Variants in NCOA1 observed in about 807,000 individuals in gnomAD.
The protein encoded by NCOA1 is Hin-2 protein.
In NCOA1, 35 loss-of-function variants were observed where a neutral mutation model predicts 150.9. The observed-to-expected ratio is 0.23, with a 90% CI of 0.18 to 0.31. NCOA1 has a LOEUF of 0.31. NCOA1 is among the 10% of genes least tolerant of loss of function. NCOA1 has a pLI of 1.00. For missense variants in NCOA1, 1,491 were observed against 1,749.3 expected (o/e 0.85, Z 2.63); for synonymous variants, 590 against 630.0 (o/e 0.94, Z 0.95).
At chr2:24,599,441 T>A (rs1668016212) in intron 3 of NCOA1, among the ~76,000 whole-genome samples, 2 of 152,222 alleles carry the variant, frequency 1.3e-5, no homozygotes, top group Admixed American at 6.5e-5. Flanking sequence ...ATAGTCAGTG[T>A]CTACTGTGAC....
intron 1 of NCOA1, among the ~76,000 whole-genome samples, chr2:24,557,178 C>T (rs75272288): frequency 4.3e-5 from 6 of 140,848 alleles, no homozygotes; most frequent in Admixed American, 2.2e-4. Flanking sequence ...TGGGTTGGGG[C>T]GGGAATTGCC....
chr2:24,567,349 T>A (rs1666557371), intron 2 of NCOA1, among the ~76,000 whole-genome samples: 1 of 152,234 alleles, frequency 6.6e-6, no homozygotes, highest in African/African-American at 2.4e-5. Context: ...TTTACTTGTT[T>A]TTTTAGGTAT....
In NCOA1 at chr2:24,739,456, A is replaced by G. The variant is rs150715004; in HGVS notation, c.3226A>G (p.Ile1076Val). 83 of 1,613,764 alleles carry G rather than the reference A, an allele frequency of 5.1e-5. No homozygotes were observed. Among genetic ancestry groups the G allele is most frequent in the Non-Finnish European group, 6.9e-5 (81 of 1,179,822 alleles). Residue 1076 changes from isoleucine (I) to valine (V), a missense_variant, in exon 18 of 23, where the codon ATC becomes GTC. By Grantham distance (29) the Ile-to-Val change is conservative (BLOSUM62 3). Transcript: ENST00000348332. ...QQLIHQNRQA[I>V]LNQFAATAPV... ...GTTGATACACCAAAATCGGCAAGCT[A>G]TCTTAAACCAGTTTGCAGCAACTGC...
At chr2:24,536,432 A>G (rs1258263622) in intron 1 of NCOA1, among the ~76,000 whole-genome samples, 2 of 152,056 alleles carry the variant, frequency 1.3e-5, no homozygotes, top group African/African-American at 2.4e-5. Flanking sequence ...GTTATTACTG[A>G]CTTTCTGAAG....
chr2:24,656,627 C>A (rs1199967152), intron 4 of NCOA1, among the ~76,000 whole-genome samples: 2 of 152,218 alleles, frequency 1.3e-5, no homozygotes, highest in African/African-American at 2.4e-5. Flanking sequence ...CTCCTCCTCA[C>A]ATCCTTCCCA....
intron 1 of NCOA1, among the ~76,000 whole-genome samples, chr2:24,528,718 T>G (rs1469615020): frequency 6.6e-6 from 1 of 152,182 alleles, no homozygotes; most frequent in Non-Finnish European, 1.5e-5. Context: ...AAAGAATGTA[T>G]AAAACTATTA....
chr2:24,717,695 A>G (rs1207731799), intron 14 of NCOA1, among the ~76,000 whole-genome samples: 2 of 152,212 alleles, frequency 1.3e-5, no homozygotes, highest in Non-Finnish European at 2.9e-5. Context: ...CACAGAATGT[A>G]CAACACAAAG....
At chr2:24,568,765 C>T (rs1666611434) in intron 2 of NCOA1, among the ~76,000 whole-genome samples, 3 of 152,134 alleles carry the variant, frequency 2.0e-5, no homozygotes, top group African/African-American at 7.2e-5. Flanking sequence ...GGCACAAATT[C>T]TTTATCAAAG....
intron 2 of NCOA1, among the ~76,000 whole-genome samples, chr2:24,565,513 G>A (rs1399540763): frequency 1.3e-5 from 2 of 152,204 alleles, no homozygotes; most frequent in Non-Finnish European, 2.9e-5. Flanking sequence ...ACTATGTAAA[G>A]CATAAATTCC....
intron 1 of NCOA1, among the ~76,000 whole-genome samples, chr2:24,520,960 G>A (rs761845633): frequency 6.6e-6 from 1 of 151,714 alleles, no homozygotes. Flanking sequence ...CCTGCCTTAG[G>A]AGAATTTGCT....
intron 17 of NCOA1, among the ~76,000 whole-genome samples, chr2:24,738,735 A>G (rs1190649508): frequency 6.6e-6 from 1 of 152,242 alleles, no homozygotes; most frequent in Non-Finnish European, 1.5e-5. Context: ...AGTACTTAAT[A>G]CAGCACAGCA....
chr2:24,641,001 T>C (rs554335612), intron 3 of NCOA1, among the ~76,000 whole-genome samples: 5 of 152,096 alleles, frequency 3.3e-5, no homozygotes, highest in Non-Finnish European at 7.4e-5. Flanking sequence ...CTTTCTTGCC[T>C]TCTTTCGGGT....
intron 18 of NCOA1, 61 bp downstream of exon 18, chr2:24,739,594 T>C (rs1663503776): frequency 2.3e-6 from 3 of 1,280,244 alleles, no homozygotes; most frequent in Non-Finnish European, 3.4e-6. Flanking sequence ...TTTCTTAAAG[T>C]GTTGACTTGA....
At chr2:24,537,732 AT>A (rs1665220292) in intron 1 of NCOA1, among the ~76,000 whole-genome samples, 1 of 152,118 alleles carries the variant, frequency 6.6e-6, no homozygotes, top group Non-Finnish European at 1.5e-5. Flanking sequence ...TAGATTTTAG[AT>A]GCTTTTGTCA....
chr2:24,590,915 C>G (rs1321745773), intron 3 of NCOA1, among the ~76,000 whole-genome samples: 1 of 152,116 alleles, frequency 6.6e-6, no homozygotes. Context: ...TCTCTTCTCA[C>G]TGAATTATAA....
intron 4 of NCOA1, among the ~76,000 whole-genome samples, chr2:24,654,207 T>C (rs1670826641): frequency 6.6e-6 from 1 of 152,188 alleles, no homozygotes; most frequent in Admixed American, 6.5e-5. Flanking sequence ...CTTTTGACTT[T>C]GTTTTGTGGT....
intron 1 of NCOA1, among the ~76,000 whole-genome samples, chr2:24,557,298 C>T (rs912588236): frequency 1.3e-5 from 2 of 152,020 alleles, no homozygotes; most frequent in African/African-American, 4.8e-5. Flanking sequence ...AACTTTACAG[C>T]ACTGTACTTC....
chr2:24,492,864 C>G (rs1045546275), intron 1 of NCOA1, among the ~76,000 whole-genome samples: 1 of 151,746 alleles, frequency 6.6e-6, no homozygotes. Context: ...AACATTACTG[C>G]CGTGAAGCGT....
At chr2:24,645,962 A>G (rs1310996423) in intron 4 of NCOA1, among the ~76,000 whole-genome samples, 1 of 152,204 alleles carries the variant, frequency 6.6e-6, no homozygotes. Flanking sequence ...AAGAGTTTTC[A>G]GGAAAGTAAT....
Sources: gnomAD v4.1 joint callset for allele counts (sites outside exome capture counted in the v4.1 genomes callset) on GRCh38, gnomAD v4.1.1 for gene constraint, MANE v1.5 for transcripts, NCBI Gene and HGNC (gene_info 2026-07-23, HGNC 2026-07-21) for gene names.